TAS2R1: variants seen among roughly 807,000 people sequenced by gnomAD.
TAS2R1 encodes taste 2 receptor member 1, also known as taste receptor type 2 member 1.
For synonymous variants in TAS2R1, 141 were observed against 134.2 expected (o/e 1.05, Z -0.35); for missense variants, 370 against 353.4 (o/e 1.05, Z -0.38).
the TAS2R1 span, among the ~76,000 whole-genome samples, chr5:9,878,234 T>C: frequency 6.6e-6 from 1 of 152,086 alleles, no homozygotes; most frequent in Non-Finnish European, 1.5e-5. Context: ...ATCCAGGGTG[T>C]TTTGTTGTTG....
the TAS2R1 span, among the ~76,000 whole-genome samples, chr5:9,734,789 G>C: frequency 6.6e-6 from 1 of 151,474 alleles, no homozygotes; most frequent in Admixed American, 6.6e-5. Flanking sequence ...CCACCACGGT[G>C]AACACTACAG....
intron 1 of TAS2R1, among the ~76,000 whole-genome samples, chr5:9,687,610 C>T (rs909318174): frequency 6.6e-6 from 1 of 152,168 alleles, no homozygotes. Context: ...CAATGTCCTC[C>T]GGTTGGTCCC....
intron 2 of TAS2R1, among the ~76,000 whole-genome samples, chr5:9,655,462 TTTAA>T (rs1740390161): frequency 6.6e-6 from 1 of 152,094 alleles, no homozygotes; most frequent in African/African-American, 2.4e-5. Context: ...TTTAATTAAA[TTTAA>T]TTAATTTAGA....
chr5:9,751,359 G>T, the TAS2R1 span, among the ~76,000 whole-genome samples: 1 of 148,010 alleles, frequency 6.8e-6, no homozygotes, highest in African/African-American at 2.5e-5. Context: ...ATAATTCTAT[G>T]GTCACTTCTG....
intron 1 of TAS2R1, among the ~76,000 whole-genome samples, chr5:9,697,736 T>G (rs1382160292): frequency 6.6e-6 from 1 of 152,116 alleles, no homozygotes; most frequent in Non-Finnish European, 1.5e-5. Context: ...CAATAACAAA[T>G]AGAATACTTT....
the TAS2R1 span, among the ~76,000 whole-genome samples, chr5:9,863,267 T>G: frequency 7.2e-6 from 1 of 139,556 alleles, no homozygotes; most frequent in African/African-American, 3.0e-5. Context: ...CCCAAAGATT[T>G]TTTTTTTTTT....
the TAS2R1 span, among the ~76,000 whole-genome samples, chr5:9,770,964 T>C: frequency 3.3e-5 from 5 of 152,306 alleles, no homozygotes; most frequent in African/African-American, 1.2e-4. Flanking sequence ...GGCATCCTTG[T>C]CATGTTGCAG....
the TAS2R1 span, among the ~76,000 whole-genome samples, chr5:9,726,766 A>C: frequency 6.6e-6 from 1 of 152,246 alleles, no homozygotes; most frequent in South Asian, 2.1e-4. Flanking sequence ...GCACCAACTG[A>C]GGATGATGGC....
At chr5:9,731,088 C>T in the TAS2R1 span, among the ~76,000 whole-genome samples, 2 of 152,040 alleles carry the variant, frequency 1.3e-5, no homozygotes, top group Admixed American at 6.6e-5. Flanking sequence ...GAGTGTGTAC[C>T]GACAGGTATG....
At chr5:9,883,215 G>A in the TAS2R1 span, 2 of 152,088 alleles carry the variant, frequency 1.3e-5, no homozygotes, top group Non-Finnish European at 2.9e-5. Context: ...ACACACACTG[G>A]GGCCTGTCCG....
the TAS2R1 span, among the ~76,000 whole-genome samples, chr5:9,841,866 T>C: frequency 6.6e-6 from 1 of 152,260 alleles, no homozygotes; most frequent in Non-Finnish European, 1.5e-5. Context: ...GCAAACCCAC[T>C]GCATGTGTAG....
chr5:9,709,081 C>T (rs1741679302), intron 1 of TAS2R1, among the ~76,000 whole-genome samples: 1 of 151,418 alleles, frequency 6.6e-6, no homozygotes, highest in South Asian at 2.1e-4. Flanking sequence ...GCATGTGGGG[C>T]TTAAAACCCA....
At chr5:9,750,190 G>A in the TAS2R1 span, among the ~76,000 whole-genome samples, 1 of 152,264 alleles carries the variant, frequency 6.6e-6, no homozygotes, top group East Asian at 1.9e-4. Flanking sequence ...ACCCCTCTAC[G>A]GAGGACCAGC....
At chr5:9,760,705 A>G in the TAS2R1 span, among the ~76,000 whole-genome samples, 2 of 152,236 alleles carry the variant, frequency 1.3e-5, no homozygotes, top group Non-Finnish European at 2.9e-5. Flanking sequence ...CTTGATTTAA[A>G]GCCATACCAA....
chr5:9,693,240 G>A (rs979414496), intron 1 of TAS2R1, among the ~76,000 whole-genome samples: 2 of 151,752 alleles, frequency 1.3e-5, no homozygotes, highest in Non-Finnish European at 2.9e-5. Flanking sequence ...CAGGCGCGGT[G>A]TCTCATGCCT....
chr5:9,655,534 G>A (rs1459062488), intron 2 of TAS2R1, among the ~76,000 whole-genome samples: 1 of 151,946 alleles, frequency 6.6e-6, no homozygotes, highest in Non-Finnish European at 1.5e-5. Flanking sequence ...AAGGAAAAAT[G>A]AACAAAAGTT....
the TAS2R1 span, among the ~76,000 whole-genome samples, chr5:9,805,405 A>G: frequency 6.6e-6 from 1 of 152,150 alleles, no homozygotes; most frequent in African/African-American, 2.4e-5. Context: ...TGAAGCCAGT[A>G]TCACCCTAAT....
intron 1 of TAS2R1, among the ~76,000 whole-genome samples, chr5:9,684,993 G>A (rs1741098660): frequency 6.6e-6 from 1 of 152,198 alleles, no homozygotes; most frequent in Non-Finnish European, 1.5e-5. Context: ...GACCCCGGGA[G>A]CACAGGAGGT....
chr5:9,800,100 C>G, the TAS2R1 span, among the ~76,000 whole-genome samples: 1 of 152,180 alleles, frequency 6.6e-6, no homozygotes, highest in African/African-American at 2.4e-5. Flanking sequence ...CCTATAACTC[C>G]TAGTATAGAA....
Sources: gnomAD v4.1 joint callset for allele counts (sites outside exome capture counted in the v4.1 genomes callset) on GRCh38, gnomAD v4.1.1 for gene constraint, MANE v1.5 for transcripts, NCBI Gene and HGNC (gene_info 2026-07-23, HGNC 2026-07-21) for gene names.